Variants in DRC3 observed in about 807,000 individuals in gnomAD.
DRC3 encodes the protein leucine rich repeat containing 48.
Under a neutral mutation model 57.6 loss-of-function variants are expected in DRC3, and 45 were observed. The observed-to-expected ratio is 0.78, with a 90% CI of 0.62 to 1.00. The LOEUF is 1.00. Ranked by LOEUF, DRC3 falls within the 50% of genes least tolerant of loss-of-function variation. The probability of loss-of-function intolerance (pLI) is 0.00; values close to 1 mark genes in which losing one functional copy is unlikely to be tolerated. For missense variants in DRC3, 655 were observed against 675.2 expected, an observed-to-expected ratio of 0.97 and a Z score of 0.33; for synonymous variants, 257 against 272.3, an observed-to-expected ratio of 0.94 and a Z score of 0.55.
intron 3 of DRC3, 132 bp from the exon 4 acceptor site, chr17:17,983,696 G>T (rs905785077): frequency 3.3e-6 from 2 of 612,292 alleles, no homozygotes; most frequent in African/African-American, 3.7e-5. Flanking sequence ...ACATCTCCAG[G>T]GTGCCTGCGT....
chr17:17,990,945 C>T (rs967074617), intron 5 of DRC3, among the ~76,000 whole-genome samples: 2 of 152,026 alleles, frequency 1.3e-5, no homozygotes, highest in African/African-American at 4.8e-5. Flanking sequence ...GAGCCGAGAT[C>T]GCGCCACTGC....
intron 12 of DRC3, 99 bp from the exon 13 acceptor site, chr17:18,015,965 C>G: frequency 7.4e-7 from 1 of 1,350,750 alleles, no homozygotes; most frequent in Non-Finnish European, 1.0e-6. Flanking sequence ...GTGGCCTGCA[C>G]AGCCAGGGGA....
intron 2 of DRC3, among the ~76,000 whole-genome samples, chr17:17,975,686 G>T (rs1222610049): frequency 6.6e-6 from 1 of 152,188 alleles, no homozygotes; most frequent in South Asian, 2.1e-4. Flanking sequence ...TGTCTTTGGG[G>T]GTAGAATCAG....
chr17:17,986,743 T>C (rs1209459999), intron 4 of DRC3, among the ~76,000 whole-genome samples: 1 of 151,338 alleles, frequency 6.6e-6, no homozygotes, highest in East Asian at 2.0e-4. Context: ...GGATTACAGG[T>C]GTAAGCCACT....
chr17:17,984,740 C>G (rs913035843), intron 4 of DRC3, among the ~76,000 whole-genome samples: 3 of 152,184 alleles, frequency 2.0e-5, no homozygotes, highest in Non-Finnish European at 4.4e-5. Context: ...GACTCACCCC[C>G]ACGCCTGTCT....
chr17:17,996,396 T>A (rs2043459790), intron 8 of DRC3, among the ~76,000 whole-genome samples: 1 of 152,154 alleles, frequency 6.6e-6, no homozygotes, highest in Admixed American at 6.5e-5. Context: ...GAGGAGCAAG[T>A]CACATCTTAC....
intron 13 of DRC3, 102 bp downstream of exon 13, chr17:18,016,297 T>A: frequency 7.9e-7 from 1 of 1,261,260 alleles, no homozygotes; most frequent in Non-Finnish European, 1.1e-6. Flanking sequence ...AGGAATGAAA[T>A]GAAGGAAGAA....
intron 5 of DRC3, among the ~76,000 whole-genome samples, chr17:17,992,368 G>T (rs969069634): frequency 6.6e-6 from 1 of 152,216 alleles, no homozygotes; most frequent in African/African-American, 2.4e-5. Context: ...GCCCATTACC[G>T]AATAGGTGTC....
chr17:18,010,946 T>TTTTTGTTTG (rs537313149), intron 12 of DRC3: 9 of 242,990 alleles, frequency 3.7e-5, no homozygotes, highest in African/African-American at 4.7e-5. Flanking sequence ...GAGGTTTTTT[T>TTTTTGTTTG]TTTGTTTGTT....
chr17:17,986,324 G>A (rs1050190195), intron 4 of DRC3, among the ~76,000 whole-genome samples: 6 of 152,122 alleles, frequency 3.9e-5, no homozygotes, highest in African/African-American at 1.4e-4. Context: ...GTGCTATGAG[G>A]ATTAAACAAG....
chr17:17,995,868 C>G (rs1439907417), intron 8 of DRC3: 1 of 152,670 alleles, frequency 6.6e-6, no homozygotes, highest in Non-Finnish European at 1.5e-5. Context: ...TTTGGGAGGC[C>G]AAGGCAGGAG....
In DRC3 at chr17:18,004,275, A is replaced by G. The variant is rs1447434795; in HGVS notation, c.1000-88A>G. On this transcript the variant is annotated intron_variant, in intron 9 of 13. Coordinates refer to ENST00000399187, the MANE Select transcript of DRC3 (RefSeq NM_031294.4). Reference sequence around the variant, plus strand: ...ACTTGGGCAGGCTGACTCGAGTCCAAATTCTTACCCACAAAACCAAATTGC... The same window carrying G: ...ACTTGGGCAGGCTGACTCGAGTCCAGATTCTTACCCACAAAACCAAATTGC... 6 of 1,455,286 alleles carry G rather than the reference A, an allele frequency of 4.1e-6. No individual in the cohort carries two copies. In the South Asian group the frequency reaches 5.0e-5, roughly 12 times the overall value. 90.1% of individuals were successfully genotyped at this position (1,455,286 alleles called of 1,614,324 possible).
chr17:18,010,090 A>G (rs2044116219), intron 12 of DRC3, among the ~76,000 whole-genome samples: 1 of 152,180 alleles, frequency 6.6e-6, no homozygotes, highest in African/African-American at 2.4e-5. Context: ...GGAGGATGCA[A>G]GTCCCCAGGG....
intron 8 of DRC3, 47 bp from the exon 9 acceptor site, chr17:17,997,413 G>T (rs116977827): frequency 6.3e-7 from 1 of 1,597,606 alleles, no homozygotes; most frequent in African/African-American, 1.3e-5. Context: ...CGTGCCCTCC[G>T]CAGCCTGCTC....
intron 4 of DRC3, among the ~76,000 whole-genome samples, chr17:17,985,615 A>G (rs1235040296): frequency 2.0e-5 from 3 of 152,200 alleles, no homozygotes; most frequent in Non-Finnish European, 1.5e-5. Context: ...ACAGCTGGCT[A>G]TACACATTTC....
At chr17:18,004,097 G>C (rs1286222316) in intron 9 of DRC3, among the ~76,000 whole-genome samples, 1 of 152,132 alleles carries the variant, frequency 6.6e-6, no homozygotes, top group Non-Finnish European at 1.5e-5. Context: ...GTGAGCACTT[G>C]CTAGTGCTCA....
At chr17:17,984,787 G>A (rs960485438) in intron 4 of DRC3, among the ~76,000 whole-genome samples, 1 of 152,080 alleles carries the variant, frequency 6.6e-6, no homozygotes, top group Non-Finnish European at 1.5e-5. Context: ...CCTATTAGGC[G>A]GTCTTCTGGT....
At chr17:18,015,486 T>C in intron 12 of DRC3, 1 of 152,818 alleles carries the variant, frequency 6.5e-6, no homozygotes, top group Admixed American at 6.5e-5. Flanking sequence ...AGAAGGTGGT[T>C]GTTTCTAACA....
At chr17:18,009,927 G>T (rs1469365130) in intron 12 of DRC3, among the ~76,000 whole-genome samples, 13 of 152,222 alleles carry the variant, frequency 8.5e-5, no homozygotes, top group Admixed American at 8.5e-4. Context: ...TGAGGAGAGA[G>T]CCTGGAGCTG....
Sources: gnomAD v4.1 joint callset for allele counts (sites outside exome capture counted in the v4.1 genomes callset) on GRCh38, gnomAD v4.1.1 for gene constraint, MANE v1.5 for transcripts, NCBI Gene and HGNC (gene_info 2026-07-23, HGNC 2026-07-21) for gene names.